Variants in KIRREL3 observed in about 807,000 individuals in gnomAD.
KIRREL3 encodes the protein kirre like nephrin family adhesion molecule 3, also known as kin of IRRE-like protein 3.
Under a neutral mutation model 89.7 loss-of-function variants are expected in KIRREL3, and 36 were observed. The ratio of observed to expected loss-of-function variants is 0.40; its 90% CI spans 0.31 to 0.53. The LOEUF (loss-of-function observed/expected upper bound fraction) is 0.53. Among genes scored for constraint, KIRREL3 ranks in the 20% least tolerant of loss-of-function variants. The probability of loss-of-function intolerance (pLI) is 0.49; values close to 1 mark genes in which losing one functional copy is unlikely to be tolerated. For synonymous variants in KIRREL3, 445 were observed against 441.4 expected (o/e 1.01, Z -0.10); for missense variants, 864 against 1,056.6 (o/e 0.82, Z 2.53).
chr11:126,923,484 C>A (rs1270922607), intron 1 of KIRREL3, among the ~76,000 whole-genome samples: 1 of 145,626 alleles, frequency 6.9e-6, no homozygotes, highest in East Asian at 2.0e-4. Context: ...CGCACTATCG[C>A]CCAGGCTGGA....
rs143366111 is a variant in KIRREL3, at chr11:126,832,236, C to T, written c.55+168219G>A. 6.0e-3 allele frequency among the ~76,000 whole-genome samples: 908 copies of T among 152,202 alleles called. 11 individuals are homozygous for T. The highest frequency in any genetic ancestry group is 0.021 in the African/African-American group (863 of 41,528). On this transcript the variant is annotated intron_variant, in intron 1 of 16. Transcript: ENST00000525144. Reference sequence around the variant, plus strand: ...ACACTGTGTGAACAGACATTCCTCCCTTTGGCTCAGTGCTGGGTTAAACGT... The same window carrying T: ...ACACTGTGTGAACAGACATTCCTCCTTTTGGCTCAGTGCTGGGTTAAACGT...
In KIRREL3 at chr11:126,541,872, T is replaced by C. The variant is rs1230079793; in HGVS notation, c.134-15185A>G. ...GCGCATTGATGTTCCCACTGCACAG[T>C]GAAGGCATTTTCACACCTTTTGAAA... On this transcript the variant is annotated intron_variant, in intron 2 of 16. Transcript: ENST00000525144. This position sits in a 1 kb window ranked among gnomAD's most constrained non-coding sequence, Gnocchi z 4.8. Among the ~76,000 whole-genome samples the C allele has an allele frequency of 1.3e-5, 2 of 152,216 alleles. No homozygotes were observed. Among genetic ancestry groups the C allele is most frequent in the African/African-American group, 4.8e-5 (2 of 41,454 alleles).
chr11:126,483,413 G>A (rs376667425), intron 4 of KIRREL3, among the ~76,000 whole-genome samples: 10 of 152,266 alleles, frequency 6.6e-5, no homozygotes, highest in African/African-American at 2.2e-4. Flanking sequence ...TGCAAACCTT[G>A]TAATGGATGA....
chr11:126,866,185 T>C (rs929782413), intron 1 of KIRREL3, among the ~76,000 whole-genome samples: 3 of 152,240 alleles, frequency 2.0e-5, no homozygotes, highest in African/African-American at 7.2e-5. Context: ...CTGGGTTTTC[T>C]TCCTTATCTA....
At chr11:126,539,680 C>A (rs1330156495) in intron 2 of KIRREL3, among the ~76,000 whole-genome samples, 1 of 152,134 alleles carries the variant, frequency 6.6e-6, no homozygotes, top group Non-Finnish European at 1.5e-5. Context: ...TGAGGTGAGG[C>A]AGTGAGTTCA....
At chr11:126,944,548 C>G (rs568039069) in intron 1 of KIRREL3, 2 of 152,244 alleles carry the variant, frequency 1.3e-5, no homozygotes, top group African/African-American at 2.4e-5. Context: ...CACAGCTCAA[C>G]GCGGGGTGCC....
chr11:126,427,615 C>T lies in KIRREL3; in HGVS notation c.1806+1564G>A, dbSNP rs148730965. 6.8e-4 allele frequency among the ~76,000 whole-genome samples: 103 copies of T among 152,214 alleles called. No homozygotes were observed. Among genetic ancestry groups the T allele is most frequent in the African/African-American group, 2.3e-3 (97 of 41,522 alleles). Reference sequence around the variant, plus strand: ...GTCTGGAAGGCCAGATGTACTTGGCCGGAAAATGGAGCTGGAGAGGTTGGT... The same window carrying T: ...GTCTGGAAGGCCAGATGTACTTGGCTGGAAAATGGAGCTGGAGAGGTTGGT... On this transcript the variant is annotated intron_variant, in intron 15 of 16. Transcript: ENST00000525144. This position sits in a 1 kb window ranked among gnomAD's most constrained non-coding sequence, Gnocchi z 5.3.
At chr11:126,806,862 G>A (rs1951220706) in intron 1 of KIRREL3, among the ~76,000 whole-genome samples, 1 of 151,602 alleles carries the variant, frequency 6.6e-6, no homozygotes, top group Non-Finnish European at 1.5e-5. Flanking sequence ...GCTCCAGTGT[G>A]TGATGTTTAC....
At chr11:126,533,611 A>G (rs1385792226) in intron 2 of KIRREL3, among the ~76,000 whole-genome samples, 1 of 151,952 alleles carries the variant, frequency 6.6e-6, no homozygotes, top group African/African-American at 2.4e-5. Context: ...GACCCTCACA[A>G]CCACATCACT....
At position 126,758,366 on chromosome 11, in the gene KIRREL3, G is replaced by T. The variant is rs1949571136; in HGVS notation, c.56-195454C>A. On this transcript the variant is annotated intron_variant, in intron 1 of 16. Coordinates refer to ENST00000525144, the MANE Select transcript of KIRREL3 (RefSeq NM_032531.4). ...TTTGTTCTGCATCAAGTAATTTGTA[G>T]TAGTACTATTTTGAGGGGTAGTTAT... Among the ~76,000 whole-genome samples the T allele has an allele frequency of 2.0e-5, 3 of 152,302 alleles. No homozygotes were observed. The South Asian group carries it at 6.2e-4, about 32-fold the overall frequency.
In KIRREL3 at chr11:126,557,490, T is replaced by G. The variant is rs909986831; in HGVS notation, c.133+5345A>C. 6.6e-6 allele frequency among the ~76,000 whole-genome samples: 1 copy of G among 152,308 alleles called. No homozygotes were observed. Among genetic ancestry groups the G allele is most frequent in the Non-Finnish European group, 1.5e-5 (1 of 68,022 alleles). On this transcript the variant is annotated intron_variant, in intron 2 of 16. Transcript: ENST00000525144. This position sits in a 1 kb window ranked among gnomAD's most constrained non-coding sequence, Gnocchi z 5.6. ...CATCTTATGAAACATGATTCCATTT[T>G]GCACATGAGAAGGTTGAGATCTTAG...
At chr11:126,456,880 G>C (rs953659642) in intron 6 of KIRREL3, among the ~76,000 whole-genome samples, 1 of 152,204 alleles carries the variant, frequency 6.6e-6, no homozygotes, top group African/African-American at 2.4e-5. Flanking sequence ...AAAGGTTCTG[G>C]GGCATTTGTT....
In KIRREL3 at chr11:126,923,130, T is replaced by TTCTCCTC. The variant is rs1555090108; in HGVS notation, c.55+77324_55+77325insGAGGAGA. ...CTTCTCCTTCTCCTTCTCCTTCTTC[T>TTCTCCTC]CTTCTTCTTCTTCTTCTTCTTCTTC... On this transcript the variant is annotated intron_variant, in intron 1 of 16. Coordinates refer to ENST00000525144, the MANE Select transcript of KIRREL3 (RefSeq NM_032531.4). Among the ~76,000 whole-genome samples the TTCTCCTC allele has an allele frequency of 8.6e-4, 14 of 16,302 alleles. 3 individuals are homozygous for TTCTCCTC. Among genetic ancestry groups the TTCTCCTC allele is most frequent in the African/African-American group, 2.5e-4 (1 of 3,970 alleles). 10.7% of individuals were successfully genotyped at this position (16,302 alleles called of 152,430 possible). A position where few individuals can be genotyped will look rare whatever the true frequency, so the allele number is the denominator to read the frequency against.
rs1027379202 is a variant in KIRREL3 at position 126,624,973 on chromosome 11, G to A, written c.56-62061C>T. 6.6e-6 allele frequency among the ~76,000 whole-genome samples: 1 copy of A among 152,116 alleles called. No individual in the cohort carries two copies. The highest frequency in any genetic ancestry group is 1.5e-5 in the Non-Finnish European group (1 of 68,026). On this transcript the variant is annotated intron_variant, in intron 1 of 16. Coordinates refer to ENST00000525144, the MANE Select transcript of KIRREL3 (RefSeq NM_032531.4). This position sits in a 1 kb window ranked among gnomAD's most constrained non-coding sequence, Gnocchi z 6.0. ...ATCACAAGGTCACTGATTGTTGGAT[G>A]GCATGGGCACGCTTCCCATTATGGA...
At chr11:126,856,014 T>A (rs2134588350) in intron 1 of KIRREL3, among the ~76,000 whole-genome samples, 1 of 152,312 alleles carries the variant, frequency 6.6e-6, no homozygotes, top group Middle Eastern at 3.4e-3. Context: ...TCCCTCTGCC[T>A]GCAGCCTAGT....
In KIRREL3 at chr11:126,655,867, T is replaced by C. The variant is rs1401774375; in HGVS notation, c.56-92955A>G. Among the ~76,000 whole-genome samples the C allele has an allele frequency of 6.6e-6, 1 of 152,200 alleles. No homozygotes were observed. The highest frequency in any genetic ancestry group is 1.5e-5 in the Non-Finnish European group (1 of 68,038). ...AGCAACAGTCAGTTCTTGTCTGGCT[T>C]TCCAGGACAACGTGACTTTCTCTTA... On this transcript the variant is annotated intron_variant, in intron 1 of 16. Transcript: ENST00000525144. This position sits in a 1 kb window ranked among gnomAD's most constrained non-coding sequence, Gnocchi z 5.0.
At chr11:126,632,890 G>C (rs1944103379) in intron 1 of KIRREL3, among the ~76,000 whole-genome samples, 1 of 143,908 alleles carries the variant, frequency 6.9e-6, no homozygotes, top group African/African-American at 2.6e-5. Flanking sequence ...TCAGGATTTT[G>C]AGACCAGCCT....
rs1187374447 is a variant in KIRREL3, at chr11:126,896,582, G to A, written c.55+103873C>T. Among the ~76,000 whole-genome samples the A allele has an allele frequency of 6.6e-6, 1 of 152,198 alleles. No homozygotes were observed. Among genetic ancestry groups the A allele is most frequent in the Non-Finnish European group, 1.5e-5 (1 of 68,032 alleles). Reference sequence around the variant, plus strand: ...AATGATGATGCAAATATCCTAGAAAGCTGTGTAGAGAACGTGGGGCCTGTC... The same window carrying A: ...AATGATGATGCAAATATCCTAGAAAACTGTGTAGAGAACGTGGGGCCTGTC... On this transcript the variant is annotated intron_variant, in intron 1 of 16. Transcript: ENST00000525144. The surrounding 1 kb of genome is among the most constrained non-coding windows in gnomAD (Gnocchi z 4.1).
chr11:126,946,805 C>T lies in KIRREL3; in HGVS notation c.55+53650G>A, dbSNP rs953868825. On this transcript the variant is annotated intron_variant, in intron 1 of 16. Transcript: ENST00000525144. The surrounding 1 kb of genome is among the most constrained non-coding windows in gnomAD (Gnocchi z 4.1). ...CACAGGTTTTGTTGCAATTTATCTTCACGAAACAACCATATAAGTAGATAT... is the reference window on the plus strand; with the variant it reads ...CACAGGTTTTGTTGCAATTTATCTTTACGAAACAACCATATAAGTAGATAT... Among the ~76,000 whole-genome samples, 17 of 152,172 alleles carry T rather than the reference C, an allele frequency of 1.1e-4. No homozygotes were observed. Among genetic ancestry groups the T allele is most frequent in the Non-Finnish European group, 2.5e-4 (17 of 68,036 alleles).
Sources: gnomAD v4.1 joint callset for allele counts (sites outside exome capture counted in the v4.1 genomes callset) on GRCh38, gnomAD v4.1.1 for gene constraint, Gnocchi (gnomAD v3.1) non-coding constraint, MANE v1.5 for transcripts, NCBI Gene and HGNC (gene_info 2026-07-23, HGNC 2026-07-21) for gene names.